Variants in SPATA6L observed in about 807,000 individuals in gnomAD.
The protein encoded by SPATA6L is spermatogenesis associated 6-like protein.
SPATA6L carries 68 observed loss-of-function variants against 49.2 expected under a neutral mutation model. The observed-to-expected ratio is 1.38, with a 90% confidence interval of 1.14 to 1.69. The LOEUF is 1.69. Ranked by LOEUF, SPATA6L falls within the 40% of genes most tolerant of loss-of-function variation. SPATA6L has a pLI of 0.00. For missense variants in SPATA6L, 668 were observed against 464.3 expected (o/e 1.44, Z -4.03); for synonymous variants, 198 against 165.7 (o/e 1.19, Z -1.50).
chr9:4,641,912 C>T (rs1178642145), intron 3 of SPATA6L, among the ~76,000 whole-genome samples: 2 of 152,176 alleles, frequency 1.3e-5, no homozygotes, highest in Non-Finnish European at 2.9e-5. Context: ...GGACTACAGG[C>T]ATGCACCAGC....
chr9:4,632,301 A>G (rs926995753), intron 4 of SPATA6L, among the ~76,000 whole-genome samples: 2 of 151,950 alleles, frequency 1.3e-5, no homozygotes, highest in African/African-American at 2.4e-5. Context: ...AGCTGCTTCA[A>G]GATGAAGCTG....
At chr9:4,608,498 A>G (rs1825865944) in intron 9 of SPATA6L, among the ~76,000 whole-genome samples, 1 of 117,138 alleles carries the variant, frequency 8.5e-6, no homozygotes, top group African/African-American at 4.3e-5. Flanking sequence ...ATCTCACTCA[A>G]AACCACTCAA....
chr9:4,648,211 A>T (rs1472497316), intron 3 of SPATA6L, among the ~76,000 whole-genome samples: 3 of 152,204 alleles, frequency 2.0e-5, no homozygotes, highest in Non-Finnish European at 4.4e-5. Flanking sequence ...AATTCATAGG[A>T]CAAAACTTTA....
intron 13 of SPATA6L, among the ~76,000 whole-genome samples, chr9:4,590,383 A>G (rs967727512): frequency 6.6e-6 from 1 of 152,168 alleles, no homozygotes; most frequent in Non-Finnish European, 1.5e-5. Context: ...TAACCACACA[A>G]TTGATGTCCC....
At chr9:4,656,171 G>C in intron 2 of SPATA6L, 82 bp from the exon 3 acceptor site, 2 of 1,134,908 alleles carry the variant, frequency 1.8e-6, no homozygotes, top group Non-Finnish European at 2.6e-6. Flanking sequence ...AGGTGCAGTA[G>C]CTCACACCTG....
chr9:4,657,230 C>T (rs1424925969), intron 2 of SPATA6L, among the ~76,000 whole-genome samples: 2 of 152,130 alleles, frequency 1.3e-5, no homozygotes, highest in African/African-American at 4.8e-5. Flanking sequence ...GAAAGTGTCT[C>T]ATATAATCAA....
chr9:4,598,085 G>T (rs1454405894), downstream of SPATA6L, among the ~76,000 whole-genome samples: 1 of 151,824 alleles, frequency 6.6e-6, no homozygotes, highest in East Asian at 1.9e-4. Flanking sequence ...ATAATTCATG[G>T]CCTACAGGCT....
chr9:4,625,524 C>T lies in SPATA6L; in HGVS notation c.472G>A (p.Glu158Lys), dbSNP rs1293401894. ...ATAGTATTTAAGGGAAATATTGGTT[C>T]ATGTGATGTAGATAAAGGCCTCCGT... is the stretch of plus-strand genomic sequence containing the variant. ...ESRRPLSTSH[E>K]PIFPLNTIKM... The change falls in exon 6 of 12, where the codon GAA becomes AAA. Residue 158 changes from glutamate to lysine, a missense_variant. Coordinates refer to ENST00000682582, the MANE Select transcript of SPATA6L (RefSeq NM_001353486.2). 3.7e-6 allele frequency: 6 copies of T among 1,612,048 alleles called. No individual in the cohort carries two copies. The highest frequency in any genetic ancestry group is 3.4e-6 in the Non-Finnish European group (4 of 1,179,126).
chr9:4,662,416 G>C lies in SPATA6L; in HGVS notation c.40-380C>G. The C allele has an allele frequency of 6.5e-7, 1 of 1,537,808 alleles. No homozygotes were observed. On this transcript the variant is annotated intron_variant, in intron 1 of 11. Coordinates refer to ENST00000682582, the MANE Select transcript of SPATA6L (RefSeq NM_001353486.2). This position sits in a 1 kb window ranked among gnomAD's most constrained non-coding sequence, Gnocchi z 4.9. The stretch of plus-strand genomic sequence containing the variant: ...AGGAGCATGGAGGGACGGCCGCTGG[G>C]CGTCTCCGCTTCGAGCAGCAGCAGC...
At chr9:4,651,625 A>T (rs1488772180) in intron 3 of SPATA6L, among the ~76,000 whole-genome samples, 1 of 152,240 alleles carries the variant, frequency 6.6e-6, no homozygotes, top group Non-Finnish European at 1.5e-5. Flanking sequence ...CCAGCAACAT[A>T]TAGAAAGGCT....
At chr9:4,656,185 T>C in intron 2 of SPATA6L, 96 bp from the exon 3 acceptor site, 2 of 1,015,502 alleles carry the variant, frequency 2.0e-6, no homozygotes, top group East Asian at 5.4e-5. Context: ...ACACCTGTAA[T>C]CCTAGCACTT....
rs1587093989 is a variant in SPATA6L at position 4,618,012 on chromosome 9, C to T, written c.906G>A (p.Gly302=). 2 of 1,613,978 alleles carry T rather than the reference C, an allele frequency of 1.2e-6. No homozygotes were observed. Among genetic ancestry groups the T allele is most frequent in the East Asian group, 4.5e-5 (2 of 44,880 alleles). The change falls in exon 9 of 12, where the codon GGG becomes GGA. Residue 302 remains glycine, a synonymous_variant. Coordinates refer to ENST00000682582, the MANE Select transcript of SPATA6L (RefSeq NM_001353486.2). ...QFGKSSSSKQ[G]DADFHGKASF... Reference sequence around the variant, plus strand: ...AAGCTTTCCCGTGGAAATCAGCATCCCCTTGTTTACTGGATGAAGACTTTC... The same window carrying T: ...AAGCTTTCCCGTGGAAATCAGCATCTCCTTGTTTACTGGATGAAGACTTTC...
intron 4 of SPATA6L, among the ~76,000 whole-genome samples, chr9:4,630,676 T>G (rs962435004): frequency 2.6e-5 from 4 of 152,238 alleles, no homozygotes; most frequent in Non-Finnish European, 5.9e-5. Context: ...ATACTCAAGA[T>G]GCTTCCAAAA....
In SPATA6L at chr9:4,661,920, C is replaced by G. The variant is rs1322435998; in HGVS notation, c.156G>C (p.Gln52His). ...TCACCTTTTCAAATCTCATGCTCTC[C>G]TGAATCATAATGGGGAACGCAGAGG... ...SFPSAFPIMIQESMRFEKVFE... is the reference protein window; with the variant it reads ...SFPSAFPIMIHESMRFEKVFE... Residue 52 changes from glutamine to histidine, a missense_variant, in exon 2 of 12, where the codon CAG becomes CAC. Gln to His is a conservative substitution (Grantham distance 24). Coordinates refer to ENST00000682582, the MANE Select transcript of SPATA6L (RefSeq NM_001353486.2). 1 of 1,613,892 alleles carries G rather than the reference C, an allele frequency of 6.2e-7. No homozygotes were observed. The highest frequency in any genetic ancestry group is 2.2e-5 in the East Asian group (1 of 44,870).
chr9:4,615,746 G>A (rs1827831744), intron 9 of SPATA6L, among the ~76,000 whole-genome samples: 1 of 152,158 alleles, frequency 6.6e-6, no homozygotes, highest in South Asian at 2.1e-4. Context: ...GGAAAGCAGA[G>A]ACATGTCATG....
intron 2 of SPATA6L, among the ~76,000 whole-genome samples, chr9:4,659,071 T>A (rs548945016): frequency 1.3e-5 from 2 of 152,080 alleles, no homozygotes; most frequent in African/African-American, 4.8e-5. Context: ...ATTTCTAACA[T>A]CTAACTGGGA....
At chr9:4,636,695 C>T (rs1209213729) in intron 3 of SPATA6L, among the ~76,000 whole-genome samples, 1 of 152,200 alleles carries the variant, frequency 6.6e-6, no homozygotes, top group Non-Finnish European at 1.5e-5. Flanking sequence ...GACCTTACAT[C>T]AAATAATATG....
chr9:4,606,879 G>A (rs904140253), intron 9 of SPATA6L, among the ~76,000 whole-genome samples: 24 of 144,218 alleles, frequency 1.7e-4, no homozygotes, highest in Non-Finnish European at 8.9e-5. Context: ...CAAAGGCAAA[G>A]AAGCTGAAAA....
At chr9:4,639,713 A>G (rs1247390587) in intron 3 of SPATA6L, among the ~76,000 whole-genome samples, 2 of 152,264 alleles carry the variant, frequency 1.3e-5, no homozygotes, top group Non-Finnish European at 2.9e-5. Context: ...CAGTGACATC[A>G]TCAATGGCAT....
Sources: allele counts gnomAD v4.1 joint callset (sites outside exome capture counted in the v4.1 genomes callset), GRCh38; gene constraint gnomAD v4.1.1; non-coding constraint Gnocchi (gnomAD v3.1); transcripts MANE v1.5; gene names NCBI Gene and HGNC (gene_info 2026-07-23, HGNC 2026-07-21).